The following FARP1 variants were observed in gnomAD, a reference collection of about 807,000 sequenced individuals.
The protein encoded by FARP1 is FERM, ARHGEF and pleckstrin domain-containing protein 1.
A neutral mutation model predicts 128.8 loss-of-function variants in FARP1; 52 were observed. That is an observed-to-expected ratio of 0.40 (90% CI 0.32 to 0.51). FARP1 has a LOEUF of 0.51. Among genes scored for constraint, FARP1 ranks in the 20% least tolerant of loss-of-function variants. The probability of loss-of-function intolerance (pLI) is 0.45; values close to 1 mark genes in which losing one functional copy is unlikely to be tolerated. For synonymous variants in FARP1, 580 were observed against 551.8 expected, an observed-to-expected ratio of 1.05 and a Z score of -0.72; for missense variants, 1,333 against 1,367.9, an observed-to-expected ratio of 0.97 and a Z score of 0.40.
chr13:98,360,839 C>T (rs1888841493), intron 3 of FARP1, among the ~76,000 whole-genome samples: 1 of 152,074 alleles, frequency 6.6e-6, no homozygotes, highest in South Asian at 2.1e-4. Context: ...AAGAGATCAG[C>T]GGCATAGATT....
chr13:98,417,608 C>CCTG (rs1188213818), intron 16 of FARP1, among the ~76,000 whole-genome samples: 1 of 151,888 alleles, frequency 6.6e-6, no homozygotes, highest in African/African-American at 2.4e-5. Context: ...AGGAGGAAGT[C>CCTG]CTGCAGGGGT....
intron 11 of FARP1, among the ~76,000 whole-genome samples, chr13:98,393,429 C>A (rs2140065527): frequency 6.6e-6 from 1 of 152,324 alleles, no homozygotes; most frequent in South Asian, 2.1e-4. Context: ...CTGAGAATTT[C>A]TCCGAGATTT....
chr13:98,315,961 C>G (rs1390446399), intron 2 of FARP1, among the ~76,000 whole-genome samples: 1 of 152,214 alleles, frequency 6.6e-6, no homozygotes, highest in Non-Finnish European at 1.5e-5. Flanking sequence ...GCCTCTCCCT[C>G]CTATGGACAG....
intron 1 of FARP1, among the ~76,000 whole-genome samples, chr13:98,148,083 TC>T (rs1451953755): frequency 4.2e-5 from 1 of 23,616 alleles, no homozygotes; most frequent in Non-Finnish European, 2.7e-3. Context: ...AGGTTCCTTT[TC>T]AAAAAAAAAG....
intron 2 of FARP1, among the ~76,000 whole-genome samples, chr13:98,319,774 C>G (rs769122709): frequency 2.3e-4 from 35 of 152,104 alleles, no homozygotes; most frequent in Middle Eastern, 3.4e-3. Context: ...ATCTGCCATT[C>G]TAGTAGATTT....
chr13:98,279,941 G>A (rs1356106827), intron 2 of FARP1, among the ~76,000 whole-genome samples: 2 of 152,134 alleles, frequency 1.3e-5, no homozygotes, highest in African/African-American at 2.4e-5. Context: ...GTCTGACCCT[G>A]ATGTGCCCAG....
At chr13:98,448,019 A>ACTTCCAGCT (rs1594554505) in intron 26 of FARP1, 2 of 580,860 alleles carry the variant, frequency 3.4e-6, no homozygotes, top group African/African-American at 3.8e-5. Context: ...GCAGCAAGGT[A>ACTTCCAGCT]CTTCCAGCTC....
chr13:98,144,795 T>G (rs1331782017), intron 1 of FARP1, among the ~76,000 whole-genome samples: 1 of 152,170 alleles, frequency 6.6e-6, no homozygotes, highest in Non-Finnish European at 1.5e-5. Flanking sequence ...GCTTCGTTGT[T>G]CCGGAGACTT....
chr13:98,339,819 A>G (rs773605723), intron 2 of FARP1, among the ~76,000 whole-genome samples: 9 of 152,192 alleles, frequency 5.9e-5, no homozygotes, highest in Non-Finnish European at 1.3e-4. Flanking sequence ...CTAAGTCTCT[A>G]CTGCAAACCC....
Position 98,455,112 on chromosome 13 carries a change from A to ATACC in FARP1, c.*6797_*6800dup, listed in dbSNP as rs1893391492. On this transcript the variant is annotated 3_prime_UTR_variant, in exon 27 of 27. Transcript: ENST00000319562. Reference sequence around the variant, plus strand: ...AAGACGGTCCCTCCAAAAATGTAAAATACCTTATTGATGATTGTTGTTATT... The same window carrying ATACC: ...AAGACGGTCCCTCCAAAAATGTAAAATACCTACCTTATTGATGATTGTTGTTATT... 1 of 152,360 alleles carries ATACC rather than the reference A, an allele frequency of 6.6e-6. No individual in the cohort carries two copies. The highest frequency in any genetic ancestry group is 2.4e-5 in the African/African-American group (1 of 41,582). The allele number at this position is 152,360 out of a possible 1,614,324, so 9.4% of individuals were successfully genotyped here. A position where few individuals can be genotyped will look rare whatever the true frequency, so the allele number is the denominator to read the frequency against.
intron 1 of FARP1, among the ~76,000 whole-genome samples, chr13:98,208,301 A>G (rs1880419768): frequency 7.1e-6 from 1 of 141,650 alleles, no homozygotes; most frequent in Non-Finnish European, 1.5e-5. Flanking sequence ...GTGAAACCCC[A>G]TCTCTACTGG....
intron 1 of FARP1, among the ~76,000 whole-genome samples, chr13:98,175,217 A>C (rs1452697074): frequency 6.6e-6 from 1 of 152,234 alleles, no homozygotes; most frequent in Non-Finnish European, 1.5e-5. Context: ...ATGAAAATTT[A>C]CATAATCTGT....
intron 18 of FARP1, chr13:98,435,296 C>T (rs762106489): frequency 8.8e-5 from 21 of 237,384 alleles, no homozygotes; most frequent in African/African-American, 1.8e-4. Flanking sequence ...CGTGTCTTTC[C>T]CCTCTAAGCC....
intron 1 of FARP1, among the ~76,000 whole-genome samples, chr13:98,152,049 G>A (rs1053576889): frequency 6.6e-6 from 1 of 152,142 alleles, no homozygotes. Context: ...GTATCTGCAA[G>A]TGGCAGAATG....
chr13:98,339,496 A>G (rs1189288103), intron 2 of FARP1, among the ~76,000 whole-genome samples: 1 of 152,174 alleles, frequency 6.6e-6, no homozygotes, highest in Admixed American at 6.5e-5. Flanking sequence ...ACAGAGCCAA[A>G]CATATCACCA....
At chr13:98,282,648 T>C (rs1884985809) in intron 2 of FARP1, among the ~76,000 whole-genome samples, 1 of 152,218 alleles carries the variant, frequency 6.6e-6, no homozygotes, top group South Asian at 2.1e-4. Context: ...CTCACACCTG[T>C]AATCCCAGCA....
chr13:98,400,965 C>T (rs1187293845), intron 13 of FARP1: 1 of 152,094 alleles, frequency 6.6e-6, no homozygotes, highest in Admixed American at 6.5e-5. Flanking sequence ...TCTTACTGCT[C>T]ACGGTCATCA....
At chr13:98,431,321 A>T (rs1178876222) in intron 18 of FARP1, 41 bp downstream of exon 18, 2 of 1,429,200 alleles carry the variant, frequency 1.4e-6, no homozygotes, top group Non-Finnish European at 9.6e-7. Context: ...CCCATGCCAC[A>T]GTTCAGGCCG....
chr13:98,384,696 T>C (rs1159433422), intron 6 of FARP1, 34 bp from the exon 7 acceptor site: 2 of 1,325,154 alleles, frequency 1.5e-6, no homozygotes, highest in Admixed American at 3.4e-5. Flanking sequence ...GTGTCATTCC[T>C]ACGTGACCTG....
Sources: allele counts gnomAD v4.1 joint callset (sites outside exome capture counted in the v4.1 genomes callset), GRCh38; gene constraint gnomAD v4.1.1; transcripts MANE v1.5; gene names NCBI Gene and HGNC (gene_info 2026-07-23, HGNC 2026-07-21).